IQCM: variants seen among roughly 807,000 people sequenced by gnomAD.
IQCM encodes the protein IQ motif containing M, also known as IQ domain-containing protein M.
IQCM carries 45 observed loss-of-function variants against 57.6 expected under a neutral mutation model. That is an observed-to-expected ratio of 0.78 (90% CI 0.62 to 1.00). The LOEUF (loss-of-function observed/expected upper bound fraction) is 1.00. Ranked by LOEUF, IQCM falls within the 50% of genes least tolerant of loss-of-function variation. The probability of loss-of-function intolerance (pLI) is 0.00; values close to 1 mark genes in which losing one functional copy is unlikely to be tolerated. For missense variants in IQCM, 468 were observed against 511.6 expected, an observed-to-expected ratio of 0.91 and a Z score of 0.82; for synonymous variants, 148 against 158.9, an observed-to-expected ratio of 0.93 and a Z score of 0.51.
At chr4:149,522,094 T>C (rs1028303988) in intron 12 of IQCM, among the ~76,000 whole-genome samples, 5 of 152,182 alleles carry the variant, frequency 3.3e-5, no homozygotes, top group African/African-American at 1.2e-4. Context: ...AGCCAGCAGA[T>C]AATCCCAGAG....
chr4:149,378,761 C>T (rs774663027), intron 13 of IQCM, among the ~76,000 whole-genome samples: 8 of 152,090 alleles, frequency 5.3e-5, no homozygotes, highest in African/African-American at 9.7e-5. Context: ...AAATTCAAGC[C>T]GGCTGCAGAA....
At chr4:149,698,327 A>G (rs949300390) in intron 5 of IQCM, among the ~76,000 whole-genome samples, 9 of 152,108 alleles carry the variant, frequency 5.9e-5, no homozygotes, top group South Asian at 2.1e-4. Context: ...CCATAATCCC[A>G]TAATATTGTT....
At chr4:149,450,984 G>C (rs774193671) in intron 12 of IQCM, among the ~76,000 whole-genome samples, 1 of 151,232 alleles carries the variant, frequency 6.6e-6, no homozygotes. Context: ...GGAATAAGCC[G>C]AATGTGTTTA....
At chr4:149,495,599 T>A (rs1470778853) in intron 12 of IQCM, among the ~76,000 whole-genome samples, 13 of 152,106 alleles carry the variant, frequency 8.5e-5, no homozygotes, top group Admixed American at 8.5e-4. Context: ...GAGTAAATAT[T>A]GATTCCAAGT....
Position 149,541,434 on chromosome 4 carries a change from A to G in IQCM, c.1228+7021T>C, listed in dbSNP as rs190665597. Among the ~76,000 whole-genome samples the G allele has an allele frequency of 2.7e-3, 404 of 152,250 alleles. 1 individual carries two copies. Among genetic ancestry groups the G allele is most frequent in the Admixed American group, 4.9e-3 (75 of 15,270 alleles). ...TTGATTATCTTAATTGCAGAAAATG[A>G]ACTAAAAGTTCTATTTACATGTTGG... is the stretch of plus-strand genomic sequence containing the variant. On this transcript the variant is annotated intron_variant, in intron 12 of 13. Transcript: ENST00000636793.
At chr4:149,809,824 A>T (rs1774394918) in intron 2 of IQCM, among the ~76,000 whole-genome samples, 1 of 152,186 alleles carries the variant, frequency 6.6e-6, no homozygotes, top group Non-Finnish European at 1.5e-5. Flanking sequence ...GACATTGACA[A>T]TTTCAAACAG....
chr4:149,408,527 C>T (rs1733143705), intron 13 of IQCM, among the ~76,000 whole-genome samples: 1 of 152,120 alleles, frequency 6.6e-6, no homozygotes, highest in Non-Finnish European at 1.5e-5. Flanking sequence ...TTTTAAGAAA[C>T]AGCTTTAGCA....
intron 12 of IQCM, among the ~76,000 whole-genome samples, chr4:149,542,639 A>G (rs986562310): frequency 6.6e-6 from 1 of 152,116 alleles, no homozygotes; most frequent in South Asian, 2.1e-4. Flanking sequence ...GTAGAAACCA[A>G]CTGATGACAT....
intron 12 of IQCM, among the ~76,000 whole-genome samples, chr4:149,464,315 AATCTCT>A (rs1426421041): frequency 1.3e-5 from 2 of 152,192 alleles, no homozygotes; most frequent in African/African-American, 4.8e-5. Flanking sequence ...AATAAATCTC[AATCTCT>A]ATCTTAAATT....
intron 5 of IQCM, among the ~76,000 whole-genome samples, chr4:149,689,247 AT>A (rs1762771331): frequency 6.6e-6 from 1 of 152,110 alleles, no homozygotes; most frequent in East Asian, 1.9e-4. Context: ...GAATAAGTCC[AT>A]GTCCTTTGTA....
intron 10 of IQCM, among the ~76,000 whole-genome samples, chr4:149,560,659 G>A (rs1389788450): frequency 6.6e-6 from 1 of 151,862 alleles, no homozygotes; most frequent in African/African-American, 2.4e-5. Flanking sequence ...CAATCTCTGT[G>A]GTCTTTCGAT....
chr4:149,759,010 T>C (rs1403123837), intron 2 of IQCM, among the ~76,000 whole-genome samples: 3 of 152,206 alleles, frequency 2.0e-5, no homozygotes, highest in Non-Finnish European at 4.4e-5. Flanking sequence ...ATGTTCATAG[T>C]AGCTTTATTC....
chr4:149,505,588 C>T (rs564008616), intron 12 of IQCM, among the ~76,000 whole-genome samples: 1 of 152,152 alleles, frequency 6.6e-6, no homozygotes, highest in East Asian at 1.9e-4. Flanking sequence ...CATCTGAAAT[C>T]CTGCCATCCT....
At chr4:149,625,337 A>G (rs899565743) in intron 7 of IQCM, among the ~76,000 whole-genome samples, 7 of 152,246 alleles carry the variant, frequency 4.6e-5, no homozygotes, top group African/African-American at 1.4e-4. Flanking sequence ...GGATTCAATG[A>G]AAACAAAGAT....
intron 7 of IQCM, among the ~76,000 whole-genome samples, chr4:149,666,463 C>T (rs1278054862): frequency 6.6e-6 from 1 of 152,090 alleles, no homozygotes; most frequent in Non-Finnish European, 1.5e-5. Context: ...GTGCCTGCAC[C>T]ACCAGGGCCC....
chr4:149,451,108 C>T (rs1737070342), intron 12 of IQCM, among the ~76,000 whole-genome samples: 2 of 151,834 alleles, frequency 1.3e-5, no homozygotes, highest in African/African-American at 4.8e-5. Context: ...ATCACATGTT[C>T]TTACTTAGTT....
chr4:149,538,102 T>C (rs1174544974), intron 12 of IQCM, among the ~76,000 whole-genome samples: 1 of 151,452 alleles, frequency 6.6e-6, no homozygotes, highest in Non-Finnish European at 1.5e-5. Context: ...GTTTTATATA[T>C]ATAACAGTAT....
At chr4:149,773,741 T>A (rs1770811860) in intron 2 of IQCM, among the ~76,000 whole-genome samples, 5 of 152,236 alleles carry the variant, frequency 3.3e-5, no homozygotes, top group Admixed American at 3.3e-4. Flanking sequence ...AGTTGACTGC[T>A]GTGCATGTTA....
intron 12 of IQCM, among the ~76,000 whole-genome samples, chr4:149,537,383 T>C (rs570120377): frequency 9.9e-5 from 15 of 151,810 alleles, no homozygotes; most frequent in Admixed American, 2.0e-4. Flanking sequence ...AAAGAAATAG[T>C]GAATTTGAAG....
Sources: gnomAD v4.1 joint callset for allele counts (sites outside exome capture counted in the v4.1 genomes callset) on GRCh38, gnomAD v4.1.1 for gene constraint, MANE v1.5 for transcripts, NCBI Gene and HGNC (gene_info 2026-07-23, HGNC 2026-07-21) for gene names.